FOXO3: variants seen among roughly 807,000 people sequenced by gnomAD.
The protein encoded by FOXO3 is forkhead box protein O3.
In FOXO3, 4 loss-of-function variants were observed where a neutral mutation model predicts 41.9. That is an observed-to-expected ratio of 0.10 (90% CI 0.05 to 0.22). FOXO3 has a LOEUF of 0.22. Among genes scored for constraint, FOXO3 ranks in the 10% least tolerant of loss-of-function variants. FOXO3 has a pLI of 1.00. For synonymous variants in FOXO3, 318 were observed against 389.3 expected, an observed-to-expected ratio of 0.82 and a Z score of 2.16; for missense variants, 534 against 906.8, an observed-to-expected ratio of 0.59 and a Z score of 5.28.
At chr6:108,617,520 T>C (rs1298842996) in intron 1 of FOXO3, among the ~76,000 whole-genome samples, 1 of 152,178 alleles carries the variant, frequency 6.6e-6, no homozygotes, top group Admixed American at 6.5e-5. Flanking sequence ...GCCCTACATA[T>C]AACAGCTACA....
At chr6:108,635,298 AAAAAAT>A (rs1473435395) in intron 1 of FOXO3, among the ~76,000 whole-genome samples, 1 of 151,592 alleles carries the variant, frequency 6.6e-6, no homozygotes, top group Non-Finnish European at 1.5e-5. Flanking sequence ...CCATCTCAAA[AAAAAAT>A]AATAATAATA....
At chr6:108,673,905 G>A (rs1282930649) in intron 2 of FOXO3, among the ~76,000 whole-genome samples, 2 of 152,150 alleles carry the variant, frequency 1.3e-5, no homozygotes, top group Non-Finnish European at 2.9e-5. Flanking sequence ...GTTTTTAAAA[G>A]GTGAATCACT....
intron 2 of FOXO3, among the ~76,000 whole-genome samples, chr6:108,668,090 C>T (rs923701623): frequency 2.0e-5 from 3 of 152,224 alleles, no homozygotes; most frequent in Non-Finnish European, 4.4e-5. Context: ...GTCCCAGCTT[C>T]CCAAGAGTTG....
chr6:108,657,981 C>T (rs975972674), intron 1 of FOXO3, among the ~76,000 whole-genome samples: 2 of 152,172 alleles, frequency 1.3e-5, no homozygotes, highest in African/African-American at 4.8e-5. Flanking sequence ...GTGAAACCCC[C>T]CTCTGGGCCT....
intron 1 of FOXO3, among the ~76,000 whole-genome samples, chr6:108,618,720 T>G (rs1777586069): frequency 6.6e-6 from 1 of 152,256 alleles, no homozygotes; most frequent in African/African-American, 2.4e-5. Context: ...TTAGGCCAAC[T>G]GCTTTCTGGT....
chr6:108,605,680 A>G (rs1423046376), intron 1 of FOXO3, among the ~76,000 whole-genome samples: 1 of 152,214 alleles, frequency 6.6e-6, no homozygotes, highest in Non-Finnish European at 1.5e-5. Context: ...CTAGAAGGGA[A>G]AGATTTGTTT....
At chr6:108,567,518 C>T (rs1406853582) in intron 1 of FOXO3, among the ~76,000 whole-genome samples, 1 of 152,158 alleles carries the variant, frequency 6.6e-6, no homozygotes, top group Admixed American at 6.5e-5. Context: ...TAAAAGAGAT[C>T]TTAAAGATCA....
chr6:108,673,961 G>T (rs1381096616), intron 2 of FOXO3, among the ~76,000 whole-genome samples: 1 of 152,190 alleles, frequency 6.6e-6, no homozygotes, highest in African/African-American at 2.4e-5. Context: ...CTCTTAATTT[G>T]GGGGCTGGTG....
chr6:108,642,236 G>T (rs1224815342), intron 1 of FOXO3, among the ~76,000 whole-genome samples: 2 of 151,876 alleles, frequency 1.3e-5, no homozygotes, highest in African/African-American at 4.8e-5. Flanking sequence ...CTATAGGCAC[G>T]CATTATCATG....
chr6:108,580,183 A>ATTTTTTTTTTTTTTTTTTTTTTTTTTTT, intron 1 of FOXO3, among the ~76,000 whole-genome samples: 3 of 93,070 alleles, frequency 3.2e-5, no homozygotes, highest in African/African-American at 4.2e-5. Context: ...GCTCTTCTTC[A>ATTTTTTTTTTTTTTTTTTTTTTTTTTTT]TTTTTTTTTT....
chr6:108,607,771 AAAT>A (rs544622178), intron 1 of FOXO3, among the ~76,000 whole-genome samples: 28 of 152,302 alleles, frequency 1.8e-4, no homozygotes, highest in African/African-American at 6.0e-4. Flanking sequence ...GCTAAGGACA[AAAT>A]TTATTCATTC....
rs1202063266 is a variant in FOXO3 at position 108,683,774 on chromosome 6, G to A, written c.*3982G>A. On this transcript the variant is annotated 3_prime_UTR_variant, in exon 3 of 3. Transcript: ENST00000406360. ...GAACTCTGGTTTTATTTTTCTTGCT[G>A]TATTTGGGTGAACATTGTATGATTA... The A allele has an allele frequency of 2.6e-5, 4 of 151,870 alleles. No homozygotes were observed. The highest frequency in any genetic ancestry group is 5.9e-5 in the Non-Finnish European group (4 of 67,970). The allele number at this position is 151,870 out of a possible 1,614,324, so 9.4% of individuals were successfully genotyped here.
intron 1 of FOXO3, among the ~76,000 whole-genome samples, chr6:108,654,952 A>G (rs60196432): frequency 0.02 from 3,011 of 152,328 alleles, 114 homozygotes; most frequent in African/African-American, 0.069. Context: ...TTATGCTGTC[A>G]TACTTTCTGC....
chr6:108,607,594 C>G (rs553670786), intron 1 of FOXO3, among the ~76,000 whole-genome samples: 3 of 151,996 alleles, frequency 2.0e-5, no homozygotes, highest in Non-Finnish European at 4.4e-5. Context: ...GTTTTTCTTG[C>G]TCTGTTTAGA....
chr6:108,668,938 C>T (rs1231687202), intron 2 of FOXO3, among the ~76,000 whole-genome samples: 1 of 151,934 alleles, frequency 6.6e-6, no homozygotes, highest in African/African-American at 2.4e-5. Context: ...GGTGAAACCC[C>T]GTCTCTACTA....
chr6:108,562,156 C>T (rs1582721736), intron 1 of FOXO3, among the ~76,000 whole-genome samples: 1 of 151,968 alleles, frequency 6.6e-6, no homozygotes, highest in South Asian at 2.1e-4. Flanking sequence ...AGGTCCGCAG[C>T]CAACTTTGGA....
chr6:108,597,437 T>C (rs1014335556), intron 1 of FOXO3, among the ~76,000 whole-genome samples: 4 of 152,194 alleles, frequency 2.6e-5, no homozygotes, highest in African/African-American at 9.7e-5. Context: ...TTAAGAGAAA[T>C]TGCTTTCTTA....
intron 1 of FOXO3, among the ~76,000 whole-genome samples, chr6:108,662,503 T>C (rs60102500): frequency 0.021 from 3,202 of 152,198 alleles, 112 homozygotes; most frequent in African/African-American, 0.071. Flanking sequence ...CCTACTTCTC[T>C]AATCAACCTG....
intron 1 of FOXO3, among the ~76,000 whole-genome samples, chr6:108,572,861 TG>T (rs1776144619): frequency 6.6e-6 from 1 of 152,088 alleles, no homozygotes; most frequent in Non-Finnish European, 1.5e-5. Context: ...GACAAGGAAA[TG>T]GTTCAGGAAG....
Sources: gnomAD v4.1 joint callset for allele counts (sites outside exome capture counted in the v4.1 genomes callset) on GRCh38, gnomAD v4.1.1 for gene constraint, MANE v1.5 for transcripts, NCBI Gene and HGNC (gene_info 2026-07-23, HGNC 2026-07-21) for gene names.